SDK1: variants seen among roughly 807,000 people sequenced by gnomAD.
The protein encoded by SDK1 is sidekick cell adhesion molecule 1.
In SDK1, 157 loss-of-function variants were observed where a neutral mutation model predicts 245.5. The ratio of observed to expected loss-of-function variants is 0.64; its 90% CI spans 0.56 to 0.73. SDK1 has a LOEUF of 0.73. SDK1 is among the 30% of genes least tolerant of loss of function. The pLI is 0.00. For missense variants in SDK1, 3,583 were observed against 3,002.3 expected, an observed-to-expected ratio of 1.19 and a Z score of -4.52; for synonymous variants, 1,647 against 1,278.5, an observed-to-expected ratio of 1.29 and a Z score of -6.15.
intron 4 of SDK1, among the ~76,000 whole-genome samples, chr7:3,674,576 T>C (rs57249600): frequency 0.67 from 102,271 of 151,972 alleles, 34,579 homozygotes; most frequent in East Asian, 0.75. Flanking sequence ...TCATGGCTGT[T>C]TGGGGATTCA....
At chr7:3,378,969 C>G (rs953757958) in intron 1 of SDK1, among the ~76,000 whole-genome samples, 8 of 152,076 alleles carry the variant, frequency 5.3e-5, no homozygotes, top group African/African-American at 4.8e-5. Context: ...ACAGTTCAAA[C>G]GAGGACTTGC....
chr7:3,346,827 ATT>A (rs1163275778), intron 1 of SDK1, among the ~76,000 whole-genome samples: 5 of 16,388 alleles, frequency 3.1e-4, no homozygotes, highest in Admixed American at 1.1e-3. Context: ...ATATATATAT[ATT>A]TTTTTTTTTT....
chr7:4,179,425 G>C (rs950105287), intron 35 of SDK1, among the ~76,000 whole-genome samples: 1 of 152,136 alleles, frequency 6.6e-6, no homozygotes, highest in African/African-American at 2.4e-5. Flanking sequence ...TCGGACTGCG[G>C]GGGCCAGAGG....
At chr7:3,552,865 C>A (rs1779460004) in intron 1 of SDK1, among the ~76,000 whole-genome samples, 1 of 152,188 alleles carries the variant, frequency 6.6e-6, no homozygotes, top group Non-Finnish European at 1.5e-5. Flanking sequence ...AAGTTGGGAT[C>A]TTACTGTTGC....
intron 19 of SDK1, among the ~76,000 whole-genome samples, chr7:4,062,087 C>T (rs1482725996): frequency 6.6e-6 from 1 of 151,566 alleles, no homozygotes; most frequent in African/African-American, 2.4e-5. Flanking sequence ...ACATATGTAA[C>T]TAACCTGCAC....
At chr7:4,094,125 C>T (rs751289256) in intron 22 of SDK1, among the ~76,000 whole-genome samples, 5 of 152,078 alleles carry the variant, frequency 3.3e-5, no homozygotes, top group Non-Finnish European at 5.9e-5. Context: ...GATGTGATCT[C>T]AGCTCACTGC....
chr7:3,512,193 G>A (rs947224827), intron 1 of SDK1, among the ~76,000 whole-genome samples: 3 of 151,844 alleles, frequency 2.0e-5, no homozygotes, highest in Non-Finnish European at 2.9e-5. Context: ...GCAGAATGTC[G>A]TATCATTGGG....
rs377612828 is a variant in SDK1, at chr7:4,012,152, G to A, written c.2337G>A (p.Gly779=). ...CCCCGAAAAATATAGTGGCCAGTGG[G>A]CGGACTAATCAGTCCATTATGGTCC... ...SAPPKNIVAS[G]RTNQSIMVQW... The change falls in exon 16 of 45, where the codon GGG becomes GGA. Residue 779 remains glycine (G), a synonymous_variant. Coordinates refer to ENST00000404826, the MANE Select transcript of SDK1 (RefSeq NM_152744.4). 6.4e-5 allele frequency: 101 copies of A among 1,579,250 alleles called. No individual in the cohort carries two copies. Among genetic ancestry groups the A allele is most frequent in the Non-Finnish European group, 7.9e-5 (92 of 1,162,924 alleles).
At chr7:4,128,414 C>A (rs574959281) in intron 26 of SDK1, among the ~76,000 whole-genome samples, 1 of 152,222 alleles carries the variant, frequency 6.6e-6, no homozygotes, top group Non-Finnish European at 1.5e-5. Flanking sequence ...CCCCGAGAAA[C>A]GCGCTTGCTG....
chr7:3,501,917 C>T (rs1349518099), intron 1 of SDK1, among the ~76,000 whole-genome samples: 1 of 152,094 alleles, frequency 6.6e-6, no homozygotes, highest in East Asian at 1.9e-4. Context: ...GATTCTTATT[C>T]TTGGTTAATG....
intron 1 of SDK1, among the ~76,000 whole-genome samples, chr7:3,492,946 AT>A (rs529447536): frequency 2.0e-5 from 3 of 151,872 alleles, no homozygotes; most frequent in Non-Finnish European, 4.4e-5. Context: ...GATTTATTTT[AT>A]TTTTTTATTT....
At chr7:3,737,638 G>T (rs977229413) in intron 4 of SDK1, among the ~76,000 whole-genome samples, 24 of 152,194 alleles carry the variant, frequency 1.6e-4, no homozygotes, top group Non-Finnish European at 3.2e-4. Flanking sequence ...GGGATTTGGT[G>T]CCACCACTGA....
intron 22 of SDK1, among the ~76,000 whole-genome samples, chr7:4,106,029 C>T (rs1415411106): frequency 2.6e-5 from 4 of 152,156 alleles, no homozygotes; most frequent in African/African-American, 7.2e-5. Flanking sequence ...AGGCACTGGG[C>T]GGGAAGGGCA....
intron 1 of SDK1, among the ~76,000 whole-genome samples, chr7:3,335,885 G>A (rs1780187540): frequency 6.6e-6 from 1 of 152,134 alleles, no homozygotes; most frequent in Non-Finnish European, 1.5e-5. Flanking sequence ...CAAAATCCCT[G>A]GACTTCATAT....
chr7:3,511,311 A>G (rs961159226), intron 1 of SDK1, among the ~76,000 whole-genome samples: 5 of 152,316 alleles, frequency 3.3e-5, no homozygotes, highest in Non-Finnish European at 5.9e-5. Context: ...AATAATATCT[A>G]CCTATTTACG....
chr7:3,893,757 T>C (rs538568813), intron 5 of SDK1, among the ~76,000 whole-genome samples: 1 of 151,404 alleles, frequency 6.6e-6, no homozygotes, highest in Non-Finnish European at 1.5e-5. Context: ...ATCTGTCTCT[T>C]CTCCACATCT....
At chr7:3,963,181 T>G in intron 9 of SDK1, among the ~76,000 whole-genome samples, 3 of 52,092 alleles carry the variant, frequency 5.8e-5, no homozygotes, top group East Asian at 6.3e-4. Context: ...CTGGATGTAA[T>G]CAGTGGGTAC....
chr7:3,311,525 A>C (rs534044257), intron 1 of SDK1, among the ~76,000 whole-genome samples: 41 of 152,360 alleles, frequency 2.7e-4, no homozygotes, highest in African/African-American at 9.1e-4. Context: ...CATAGTGACA[A>C]AAATGATCTT....
At chr7:3,329,812 T>G (rs1283233136) in intron 1 of SDK1, among the ~76,000 whole-genome samples, 1 of 152,258 alleles carries the variant, frequency 6.6e-6, no homozygotes, top group Non-Finnish European at 1.5e-5. Flanking sequence ...TTTGTCATTA[T>G]TCCCTAACCA....
Sources: allele counts gnomAD v4.1 joint callset (sites outside exome capture counted in the v4.1 genomes callset), GRCh38; gene constraint gnomAD v4.1.1; transcripts MANE v1.5; gene names NCBI Gene and HGNC (gene_info 2026-07-23, HGNC 2026-07-21).